The following SOX5 variants were observed in gnomAD, a reference collection of about 807,000 sequenced individuals.
SOX5 encodes SRY-box transcription factor 5, also known as transcription factor SOX-5.
Under a neutral mutation model 92.0 loss-of-function variants are expected in SOX5, and 9 were observed. The observed-to-expected ratio is 0.10, with a 90% CI of 0.06 to 0.17. SOX5 has a LOEUF of 0.17. Ranked by LOEUF, SOX5 falls within the 10% of genes least tolerant of loss-of-function variation. SOX5 has a pLI of 1.00. For missense variants in SOX5, 642 were observed against 944.5 expected, an observed-to-expected ratio of 0.68 and a Z score of 4.20; for synonymous variants, 344 against 336.3, an observed-to-expected ratio of 1.02 and a Z score of -0.25.
At chr12:23,751,771 T>C (rs1283300220) in intron 4 of SOX5, among the ~76,000 whole-genome samples, 2 of 151,912 alleles carry the variant, frequency 1.3e-5, no homozygotes, top group African/African-American at 4.8e-5. Flanking sequence ...TCTTCTAGAA[T>C]ACACAAAATT....
At chr12:23,585,043 TAATC>T (rs986346082) in intron 9 of SOX5, among the ~76,000 whole-genome samples, 4 of 152,148 alleles carry the variant, frequency 2.6e-5, no homozygotes, top group East Asian at 1.9e-4. Flanking sequence ...TAGTGGAGAT[TAATC>T]AATAACTAAC....
At chr12:24,214,383 C>T (rs1487538418) in intron 3 of SOX5, among the ~76,000 whole-genome samples, 1 of 152,054 alleles carries the variant, frequency 6.6e-6, no homozygotes, top group Non-Finnish European at 1.5e-5. Context: ...TACAAAATGG[C>T]TTCATAAGCT....
chr12:24,319,832 C>A (rs1160579930), intron 2 of SOX5, among the ~76,000 whole-genome samples: 23 of 152,194 alleles, frequency 1.5e-4, no homozygotes, highest in Admixed American at 3.3e-4. Flanking sequence ...GCAATTTCAT[C>A]CTTCTTGGAA....
chr12:23,683,229 T>C (rs978537271), intron 6 of SOX5, among the ~76,000 whole-genome samples: 1 of 151,900 alleles, frequency 6.6e-6, no homozygotes, highest in African/African-American at 2.4e-5. Flanking sequence ...AAATACATAA[T>C]AGAGATTTCT....
intron 1 of SOX5, among the ~76,000 whole-genome samples, chr12:23,909,680 A>G (rs1297456839): frequency 6.6e-6 from 1 of 152,156 alleles, no homozygotes; most frequent in Non-Finnish European, 1.5e-5. Flanking sequence ...CAGTCCTGTC[A>G]AAGAACATAG....
chr12:24,374,399 G>A (rs755396372), intron 1 of SOX5, among the ~76,000 whole-genome samples: 14 of 152,148 alleles, frequency 9.2e-5, no homozygotes, highest in Non-Finnish European at 1.9e-4. Flanking sequence ...GAAAACGTCT[G>A]GATTGACTGA....
At chr12:23,733,862 T>C (rs1475435136) in intron 6 of SOX5, among the ~76,000 whole-genome samples, 1 of 152,108 alleles carries the variant, frequency 6.6e-6, no homozygotes, top group Non-Finnish European at 1.5e-5. Context: ...TCACATGGGG[T>C]TGGATTCATA....
chr12:23,746,397 A>G lies in SOX5; in HGVS notation c.569-5358T>C, dbSNP rs900996844. On this transcript the variant is annotated intron_variant, in intron 4 of 14. Transcript: ENST00000451604. ...GTGTGTCTATATAGTGTATAACCCT[A>G]TGGAGACACAGTCATGTATATATGA... is the stretch of plus-strand genomic sequence containing the variant. Among the ~76,000 whole-genome samples, 24 of 152,304 alleles carry G rather than the reference A, an allele frequency of 1.6e-4. 1 individual carries two copies. Among genetic ancestry groups the G allele is most frequent in the African/African-American group, 5.5e-4 (23 of 41,582 alleles).
intron 3 of SOX5, among the ~76,000 whole-genome samples, chr12:23,832,017 G>C (rs1166489159): frequency 6.8e-6 from 1 of 147,096 alleles, no homozygotes; most frequent in Admixed American, 6.8e-5. Context: ...CACACAAAAG[G>C]AAGGAAAAGA....
chr12:23,636,445 C>T (rs762516078), intron 8 of SOX5, among the ~76,000 whole-genome samples: 4 of 152,108 alleles, frequency 2.6e-5, no homozygotes, highest in Non-Finnish European at 5.9e-5. Flanking sequence ...TACTTGTCTG[C>T]ACTCTTTAAT....
In SOX5 at chr12:23,569,217, ATCTC is replaced by A. The variant is rs1388771393; in HGVS notation, c.1343-5818_1343-5815del. ...AAGACAAAAATAAAAATATCTATTT[ATCTC>A]TCTATCTATGTATATTTAAAAAAAT... On this transcript the variant is annotated intron_variant, in intron 10 of 14. Coordinates refer to ENST00000451604, the MANE Select transcript of SOX5 (RefSeq NM_006940.6). 4.6e-5 allele frequency among the ~76,000 whole-genome samples: 7 copies of A among 152,276 alleles called. No homozygotes were observed. In the South Asian group the frequency reaches 1.0e-3, roughly 23 times the overall value.
intron 4 of SOX5, among the ~76,000 whole-genome samples, chr12:24,031,932 TGA>T (rs1464005954): frequency 6.6e-6 from 1 of 151,858 alleles, no homozygotes; most frequent in African/African-American, 2.4e-5. Flanking sequence ...TGCATAGGCA[TGA>T]GATAGCCAAA....
chr12:24,010,961 T>C (rs1952861267), intron 4 of SOX5, among the ~76,000 whole-genome samples: 1 of 151,834 alleles, frequency 6.6e-6, no homozygotes, highest in South Asian at 2.1e-4. Flanking sequence ...AAGAATAATA[T>C]TCTGAAATAT....
intron 3 of SOX5, among the ~76,000 whole-genome samples, chr12:23,805,318 C>A (rs181092947): frequency 1.3e-4 from 19 of 151,484 alleles, no homozygotes; most frequent in African/African-American, 4.1e-4. Flanking sequence ...TATGTTGATG[C>A]ATATGTGTGT....
intron 3 of SOX5, among the ~76,000 whole-genome samples, chr12:23,829,392 T>G (rs1351114118): frequency 6.6e-6 from 1 of 152,174 alleles, no homozygotes; most frequent in African/African-American, 2.4e-5. Context: ...GTGTTACTAT[T>G]CAGCAAGGGC....
chr12:23,608,434 C>T (rs180883329), intron 8 of SOX5, among the ~76,000 whole-genome samples: 63 of 152,248 alleles, frequency 4.1e-4, no homozygotes, highest in Admixed American at 4.6e-4. Flanking sequence ...TACTTCGTGT[C>T]TTCCTGGTAC....
Position 23,823,911 on chromosome 12 carries a change from G to C in SOX5, c.481+22072C>G, listed in dbSNP as rs562728436. 3.9e-5 allele frequency among the ~76,000 whole-genome samples: 6 copies of C among 152,270 alleles called. No homozygotes were observed. In the South Asian group the frequency reaches 6.2e-4, roughly 16 times the overall value. On this transcript the variant is annotated intron_variant, in intron 3 of 14. Coordinates refer to ENST00000451604, the MANE Select transcript of SOX5 (RefSeq NM_006940.6). Reference sequence around the variant, plus strand: ...TTTCTTTCGTTTATTTGATTCAGCTGTTGATACTTGCGTATGCTTCACGAA... The same window carrying C: ...TTTCTTTCGTTTATTTGATTCAGCTCTTGATACTTGCGTATGCTTCACGAA...
chr12:23,598,678 T>A (rs1004777893), intron 9 of SOX5, among the ~76,000 whole-genome samples: 2 of 151,954 alleles, frequency 1.3e-5, no homozygotes, highest in Non-Finnish European at 2.9e-5. Flanking sequence ...GGATTACAGG[T>A]GTGAGCCAAC....
chr12:24,254,536 T>G (rs933690543), intron 3 of SOX5, among the ~76,000 whole-genome samples: 1 of 151,688 alleles, frequency 6.6e-6, no homozygotes, highest in Non-Finnish European at 1.5e-5. Flanking sequence ...CATAATAAAG[T>G]GCTGAATATT....
Sources: gnomAD v4.1 joint callset for allele counts (sites outside exome capture counted in the v4.1 genomes callset) on GRCh38, gnomAD v4.1.1 for gene constraint, MANE v1.5 for transcripts, NCBI Gene and HGNC (gene_info 2026-07-23, HGNC 2026-07-21) for gene names.